SLCO3A1: variants seen among roughly 807,000 people sequenced by gnomAD.
SLCO3A1 encodes solute carrier organic anion transporter family member 3A1.
In SLCO3A1, 27 loss-of-function variants were observed where a neutral mutation model predicts 63.1. The ratio of observed to expected loss-of-function variants is 0.43; its 90% CI spans 0.32 to 0.59. The LOEUF (loss-of-function observed/expected upper bound fraction) is 0.59, where lower values mean the gene tolerates loss of function less well. Ranked by LOEUF, SLCO3A1 falls within the 20% of genes least tolerant of loss-of-function variation. The pLI is 0.09. For missense variants in SLCO3A1, 773 were observed against 945.8 expected, an observed-to-expected ratio of 0.82 and a Z score of 2.40; for synonymous variants, 473 against 409.9, an observed-to-expected ratio of 1.15 and a Z score of -1.86.
At chr15:91,915,900 G>C in intron 1 of SLCO3A1, 93 bp from the exon 2 acceptor site, 1 of 1,098,238 alleles carries the variant, frequency 9.1e-7, no homozygotes, top group Non-Finnish European at 1.4e-6. Context: ...AGGGTCCCGG[G>C]GGGGATGGGC....
intron 5 of SLCO3A1, 59 bp from the exon 6 acceptor site, chr15:92,126,002 G>C (rs538409532): frequency 6.1e-6 from 9 of 1,484,644 alleles, no homozygotes; most frequent in Non-Finnish European, 8.4e-6. Flanking sequence ...CTGCCCGCCT[G>C]TCTGTAGACT....
At chr15:91,873,070 CAG>C (rs1322761401) in intron 1 of SLCO3A1, among the ~76,000 whole-genome samples, 1 of 152,250 alleles carries the variant, frequency 6.6e-6, no homozygotes, top group Admixed American at 6.5e-5. Context: ...CACAAAATTA[CAG>C]AGTGTTCTGT....
At chr15:92,089,096 G>T (rs2047440849) in intron 2 of SLCO3A1, among the ~76,000 whole-genome samples, 1 of 151,860 alleles carries the variant, frequency 6.6e-6, no homozygotes. Flanking sequence ...CGTGATCTCG[G>T]CTCACTACAA....
At chr15:92,016,254 T>TAGATAGATTGATTAGA in intron 2 of SLCO3A1, among the ~76,000 whole-genome samples, 73 of 95,706 alleles carry the variant, frequency 7.6e-4, no homozygotes, top group Non-Finnish European at 3.7e-4. Context: ...GATAGATAGA[T>TAGATAGATTGATTAGA]TAGATAGATA....
intron 9 of SLCO3A1, among the ~76,000 whole-genome samples, chr15:92,156,146 G>C (rs2151598715): frequency 6.6e-6 from 1 of 152,268 alleles, no homozygotes; most frequent in Admixed American, 6.5e-5. Context: ...ATATGCCAAA[G>C]TTTATAGGCA....
Position 91,859,513 on chromosome 15 carries a change from C to T in SLCO3A1, c.180+5425C>T, listed in dbSNP as rs978307471. Among the ~76,000 whole-genome samples, 9 of 152,340 alleles carry T rather than the reference C, an allele frequency of 5.9e-5. 1 individual carries two copies. The highest frequency in any genetic ancestry group is 2.2e-4 in the African/African-American group (9 of 41,584). On this transcript the variant is annotated intron_variant, in intron 1 of 9. Transcript: ENST00000318445. This position sits in a 1 kb window ranked among gnomAD's most constrained non-coding sequence, Gnocchi z 5.1. ...GTTAAAACTCCAAGTTAAATGATTA[C>T]AGTTCCAAGGTGGAGAAAGGCAAGT...
chr15:91,915,854 C>T, intron 1 of SLCO3A1, 139 bp from the exon 2 acceptor site: 1 of 702,222 alleles, frequency 1.4e-6, no homozygotes, highest in Non-Finnish European at 2.5e-6. Flanking sequence ...ATTTACACAG[C>T]TGCCTTTTTG....
Position 91,856,154 on chromosome 15 carries a change from A to G in SLCO3A1, c.180+2066A>G, listed in dbSNP as rs1896914666. 6.6e-6 allele frequency among the ~76,000 whole-genome samples: 1 copy of G among 151,954 alleles called. No homozygotes were observed. Among genetic ancestry groups the G allele is most frequent in the African/African-American group, 2.4e-5 (1 of 41,350 alleles). Reference sequence around the variant, plus strand: ...CAGGGGAATGGCAAGCAGAGGAGGAATTCGGTCCACCTGGTGGCGGCATCC... The same window carrying G: ...CAGGGGAATGGCAAGCAGAGGAGGAGTTCGGTCCACCTGGTGGCGGCATCC... On this transcript the variant is annotated intron_variant, in intron 1 of 9. Coordinates refer to ENST00000318445, the MANE Select transcript of SLCO3A1 (RefSeq NM_013272.4). The surrounding 1 kb of genome is among the most constrained non-coding windows in gnomAD (Gnocchi z 4.9).
intron 2 of SLCO3A1, among the ~76,000 whole-genome samples, chr15:91,975,530 G>A (rs910583349): frequency 2.0e-5 from 3 of 152,232 alleles, no homozygotes; most frequent in Non-Finnish European, 4.4e-5. Flanking sequence ...TGAAGCAGCT[G>A]TGTATTTCAA....
At chr15:92,036,987 A>C (rs762552020) in intron 2 of SLCO3A1, among the ~76,000 whole-genome samples, 24 of 152,206 alleles carry the variant, frequency 1.6e-4, no homozygotes, top group Non-Finnish European at 2.8e-4. Flanking sequence ...TAAATAATAA[A>C]TGAATGCATA....
At chr15:91,937,893 C>A (rs562298606) in intron 2 of SLCO3A1, among the ~76,000 whole-genome samples, 1 of 152,166 alleles carries the variant, frequency 6.6e-6, no homozygotes, top group South Asian at 2.1e-4. Flanking sequence ...ATTGACTTAA[C>A]CTTGGTTTTC....
chr15:91,881,047 C>G (rs12443275), intron 1 of SLCO3A1, among the ~76,000 whole-genome samples: 1,899 of 152,288 alleles, frequency 0.012, 76 homozygotes, highest in East Asian at 0.066. Flanking sequence ...GGTGGAGGCT[C>G]TGTGTGCCCT....
intron 2 of SLCO3A1, among the ~76,000 whole-genome samples, chr15:91,959,823 A>G (rs940706290): frequency 6.6e-6 from 1 of 152,094 alleles, no homozygotes; most frequent in Non-Finnish European, 1.5e-5. Context: ...ATTCAATTTT[A>G]AAACATTTTC....
At position 91,939,179 on chromosome 15, in the gene SLCO3A1, G is replaced by C. The variant is rs1418888783; in HGVS notation, c.646+22721G>C. Among the ~76,000 whole-genome samples the C allele has an allele frequency of 1.3e-5, 2 of 152,164 alleles. 1 individual carries two copies. Among genetic ancestry groups the C allele is most frequent in the South Asian group, 4.1e-4 (2 of 4,826 alleles). On this transcript the variant is annotated intron_variant, in intron 2 of 9. Transcript: ENST00000318445. ...GGCCTCTGGGAAGCTTCCAATCATG[G>C]TAGAAGGGAAAGGAGGAGCAGGCAC...
chr15:91,928,477 T>G (rs1899111485), intron 2 of SLCO3A1, among the ~76,000 whole-genome samples: 1 of 152,152 alleles, frequency 6.6e-6, no homozygotes, highest in Non-Finnish European at 1.5e-5. Flanking sequence ...AAGGGCCTTA[T>G]CTTTCCCATC....
intron 3 of SLCO3A1, among the ~76,000 whole-genome samples, chr15:92,102,410 C>T (rs1292870095): frequency 6.6e-6 from 1 of 152,102 alleles, no homozygotes. Flanking sequence ...AGATCTCTCT[C>T]TATACAAAGA....
intron 2 of SLCO3A1, among the ~76,000 whole-genome samples, chr15:92,053,505 T>A (rs1407937682): frequency 6.6e-6 from 1 of 152,072 alleles, no homozygotes; most frequent in Non-Finnish European, 1.5e-5. Context: ...ATCTGTTCTG[T>A]CCCAGGATCC....
intron 2 of SLCO3A1, among the ~76,000 whole-genome samples, chr15:92,093,116 A>C (rs1451293568): frequency 6.6e-6 from 1 of 152,152 alleles, no homozygotes; most frequent in East Asian, 1.9e-4. Flanking sequence ...CCGTGTGTAA[A>C]TGTGTGTTAG....
At chr15:91,962,602 C>T (rs979757710) in intron 2 of SLCO3A1, among the ~76,000 whole-genome samples, 11 of 151,740 alleles carry the variant, frequency 7.2e-5, no homozygotes, top group Non-Finnish European at 1.3e-4. Flanking sequence ...GAAGTGGAGC[C>T]GGGGAAGGAG....
Sources: gnomAD v4.1 joint callset for allele counts (sites outside exome capture counted in the v4.1 genomes callset) on GRCh38, gnomAD v4.1.1 for gene constraint, Gnocchi (gnomAD v3.1) non-coding constraint, MANE v1.5 for transcripts, NCBI Gene and HGNC (gene_info 2026-07-23, HGNC 2026-07-21) for gene names.